USP35: variants seen among roughly 807,000 people sequenced by gnomAD.
USP35 encodes ubiquitin specific peptidase 35.
In USP35, 69 loss-of-function variants were observed where a neutral mutation model predicts 83.8. The ratio of observed to expected loss-of-function variants is 0.82; its 90% CI spans 0.68 to 1.01. USP35 has a LOEUF of 1.01. USP35 is among the 50% of genes least tolerant of loss of function. USP35 has a pLI of 0.00. For synonymous variants in USP35, 714 were observed against 589.5 expected (o/e 1.21, Z -3.06); for missense variants, 1,503 against 1,362.5 (o/e 1.10, Z -1.62).
At chr11:78,226,805 A>G in the USP35 span, 5 of 1,613,900 alleles carry the variant, frequency 3.1e-6, no homozygotes, top group African/African-American at 5.3e-5. Context: ...ACACATCCTC[A>G]TTATCTGTCT....
intron 10 of USP35, among the ~76,000 whole-genome samples, chr11:78,211,983 G>A (rs758784578): frequency 3.3e-5 from 5 of 152,098 alleles, no homozygotes; most frequent in Admixed American, 6.6e-5. Flanking sequence ...TGTTGCAATT[G>A]CTTTTGATGT....
chr11:78,213,789 TGACTTCCACA>T lies in USP35; in HGVS notation c.3038_3047del (p.Phe1013TrpfsTer11). On this transcript the variant is annotated frameshift_variant, in exon 11 of 11. Coordinates refer to ENST00000529308, the MANE Select transcript of USP35 (RefSeq NM_020798.4). LOFTEE classifies it high-confidence loss of function. Reference sequence around the variant, plus strand: ...GCAATCCTGCAGGTGGCAATGGTGGTGACTTCCACAGACTGGTCTTCTAATGTGAACCTGC... The same window carrying T: ...GCAATCCTGCAGGTGGCAATGGTGGTGACTGGTCTTCTAATGTGAACCTGC... The T allele has an allele frequency of 6.4e-7, 1 of 1,552,414 alleles. No individual in the cohort carries two copies. The highest frequency in any genetic ancestry group is 8.6e-7 in the Non-Finnish European group (1 of 1,157,252).
At chr11:78,198,811 CTG>C in intron 3 of USP35, 2 of 587,816 alleles carry the variant, frequency 3.4e-6, no homozygotes, top group Non-Finnish European at 4.3e-6. Flanking sequence ...GTTTCCTCAA[CTG>C]TAAAATGGAG....
rs750399352 is a variant in USP35, at chr11:78,213,889, C to T, written c.*76C>T. ...CTGAGGGAAGCTGTGGAGGCAGGCC[C>T]TACCAAGAGGAAGGATGGTACAGCT... On this transcript the variant is annotated 3_prime_UTR_variant, in exon 11 of 11. Transcript: ENST00000529308. 14 of 1,496,138 alleles carry T rather than the reference C, an allele frequency of 9.4e-6. No homozygotes were observed. The highest frequency in any genetic ancestry group is 5.3e-5 in the East Asian group (2 of 37,692). 92.7% of individuals were successfully genotyped at this position (1,496,138 alleles called of 1,614,324 possible). A position where few individuals can be genotyped will look rare whatever the true frequency, so the allele number is the denominator to read the frequency against.
At chr11:78,195,900 T>G (rs1482068921) in intron 1 of USP35, among the ~76,000 whole-genome samples, 1 of 151,942 alleles carries the variant, frequency 6.6e-6, no homozygotes, top group Non-Finnish European at 1.5e-5. Flanking sequence ...CTGGGTAATG[T>G]TTGTGTTTTT....
intron 2 of USP35, 85 bp from the exon 3 acceptor site, chr11:78,197,851 T>C: frequency 6.6e-7 from 1 of 1,516,956 alleles, no homozygotes; most frequent in African/African-American, 1.4e-5. Flanking sequence ...CCCAGCCCGG[T>C]TCGTTGGCTC....
At chr11:78,208,588 A>G (rs1863609512) in intron 8 of USP35, among the ~76,000 whole-genome samples, 1 of 152,148 alleles carries the variant, frequency 6.6e-6, no homozygotes, top group South Asian at 2.1e-4. Context: ...GGAGGCAGGG[A>G]GAGAATGTTT....
chr11:78,224,995 G>A, the USP35 span: 3 of 686,606 alleles, frequency 4.4e-6, no homozygotes, highest in African/African-American at 1.8e-5. Context: ...CTTGGGCAGG[G>A]TCCTAAGATG....
chr11:78,220,876 T>C, the USP35 span, among the ~76,000 whole-genome samples: 5 of 152,178 alleles, frequency 3.3e-5, no homozygotes, highest in Non-Finnish European at 7.3e-5. Context: ...ACATTTCCTT[T>C]ATGCACTGGA....
chr11:78,213,757 G>A lies in USP35; in HGVS notation c.3001G>A (p.Gly1001Arg), dbSNP rs765552748. Residue 1001 changes from glycine to arginine, a missense_variant, in exon 11 of 11, where the codon GGG becomes AGG. Gly to Arg is a moderately radical substitution (Grantham distance 125). Coordinates refer to ENST00000529308, the MANE Select transcript of USP35 (RefSeq NM_020798.4). ...EDKDEDEGSP[G>R]GCNPAGGNGG... The stretch of plus-strand genomic sequence containing the variant: ...CAAGGATGAGGATGAAGGCTCTCCA[G>A]GGGGCTGCAATCCTGCAGGTGGCAA... 1.3e-6 allele frequency: 2 copies of A among 1,544,454 alleles called. No homozygotes were observed. The highest frequency in any genetic ancestry group is 2.5e-5 in the South Asian group (2 of 79,632).
downstream of USP35, chr11:78,219,410 A>T (rs768583909): frequency 1.2e-6 from 2 of 1,613,964 alleles, 1 homozygote; most frequent in South Asian, 2.2e-5. Context: ...CGGATGAAGT[A>T]GATGGCTGAG....
intron 8 of USP35, among the ~76,000 whole-genome samples, chr11:78,208,157 T>TAAGG (rs1863593791): frequency 6.6e-6 from 1 of 152,170 alleles, no homozygotes; most frequent in African/African-American, 2.4e-5. Flanking sequence ...CGGCCTGTGA[T>TAAGG]AAGGAAATAA....
At chr11:78,212,066 A>G (rs1432235376) in intron 10 of USP35, among the ~76,000 whole-genome samples, 2 of 152,218 alleles carry the variant, frequency 1.3e-5, no homozygotes, top group East Asian at 3.9e-4. Context: ...GGGGTTTAAT[A>G]CCTTTGGGTT....
rs764986385 is a variant in USP35 at position 78,209,881 on chromosome 11, A to T, written c.2026A>T (p.Arg676Trp). Reference protein sequence around the residue: ...EAGGQSSQEERIEREEEGKEE... With the variant: ...EAGGQSSQEEWIEREEEGKEE... ...TGGTGGGCAGAGCAGTCAGGAGGAA[A>T]GGATAGAGAGGGAGGAAGAAGGGAA... is the stretch of plus-strand genomic sequence containing the variant. The change falls in exon 10 of 11, where the codon AGG becomes TGG. Residue 676 changes from arginine to tryptophan, a missense_variant. Arg to Trp is a moderately radical substitution (Grantham distance 101). Coordinates refer to ENST00000529308, the MANE Select transcript of USP35 (RefSeq NM_020798.4). The T allele has an allele frequency of 5.0e-6, 8 of 1,606,662 alleles. No homozygotes were observed. In the South Asian group the frequency reaches 8.9e-5, roughly 18 times the overall value.
the USP35 span, chr11:78,225,235 T>C: frequency 1.4e-6 from 2 of 1,425,856 alleles, no homozygotes; most frequent in Non-Finnish European, 9.9e-7. Context: ...TAAGTACTCA[T>C]GGTTGATTCA....
At chr11:78,212,005 A>G (rs1463734423) in intron 10 of USP35, among the ~76,000 whole-genome samples, 1 of 152,178 alleles carries the variant, frequency 6.6e-6, no homozygotes, top group Non-Finnish European at 1.5e-5. Flanking sequence ...TCCATCATTA[A>G]ATCTTTGCCT....
rs61760228 is a variant in USP35, at chr11:78,209,815, C to A, written c.1960C>A (p.Pro654Thr). The A allele has an allele frequency of 6.8e-6, 11 of 1,613,638 alleles. No homozygotes were observed. The highest frequency in any genetic ancestry group is 1.6e-4 in the Middle Eastern group (1 of 6,062). Residue 654 changes from proline (P) to threonine (T), a missense_variant, in exon 10 of 11, where the codon CCC (proline) becomes ACC (threonine). Pro to Thr is a conservative substitution (Grantham distance 38, BLOSUM62 -1). Transcript: ENST00000529308. The part of the protein sequence containing the change: ...RKHCITEDTP[P>T]TSLYIEGLDS... ...ACACTGCATCACAGAGGACACCCCC[C>A]CCACCAGCCTGTACATCGAAGGCCT... is the stretch of plus-strand genomic sequence containing the variant.
chr11:78,231,361 G>A, the USP35 span, among the ~76,000 whole-genome samples: 1 of 152,058 alleles, frequency 6.6e-6, no homozygotes, highest in Non-Finnish European at 1.5e-5. Flanking sequence ...GTGTGTGTGT[G>A]TGTGTGTGTC....
chr11:78,191,404 T>A (rs1326828749), intron 1 of USP35, among the ~76,000 whole-genome samples: 6 of 151,642 alleles, frequency 4.0e-5, no homozygotes, highest in African/African-American at 1.5e-4. Flanking sequence ...GGGCGAGGGG[T>A]ATGAGGCAAG....
Sources: gnomAD v4.1 joint callset for allele counts (sites outside exome capture counted in the v4.1 genomes callset) on GRCh38, gnomAD v4.1.1 for gene constraint, MANE v1.5 for transcripts, NCBI Gene and HGNC (gene_info 2026-07-23, HGNC 2026-07-21) for gene names.